ZNF682: variants seen among roughly 807,000 people sequenced by gnomAD.
The protein encoded by ZNF682 is zinc finger protein 682.
A neutral mutation model predicts 36.5 loss-of-function variants in ZNF682; 29 were observed. That is an observed-to-expected ratio of 0.80 (90% CI 0.59 to 1.08). The LOEUF (loss-of-function observed/expected upper bound fraction) is 1.08, where lower values mean the gene tolerates loss of function less well. Among genes scored for constraint, ZNF682 ranks in the 50% least tolerant of loss-of-function variants. ZNF682 has a pLI of 0.00. For missense variants in ZNF682, 561 were observed against 579.7 expected (o/e 0.97, Z 0.33); for synonymous variants, 180 against 197.0 (o/e 0.91, Z 0.72).
chr19:20,022,910 G>T, intron 3 of ZNF682, 94 bp downstream of exon 3: 2 of 1,025,416 alleles, frequency 2.0e-6, no homozygotes, highest in Non-Finnish European at 3.0e-6. Context: ...CATCTCCATT[G>T]GAGCAGAGCT....
chr19:20,015,068 G>A (rs1248196147), intron 3 of ZNF682: 2 of 417,098 alleles, frequency 4.8e-6, no homozygotes, highest in Non-Finnish European at 6.4e-6. Context: ...CAACAGAACT[G>A]TGTAACTGAA....
intron 3 of ZNF682, among the ~76,000 whole-genome samples, chr19:20,011,455 C>G (rs946701070): frequency 1.3e-5 from 2 of 152,206 alleles, no homozygotes; most frequent in African/African-American, 4.8e-5. Context: ...AAACTCAGCA[C>G]TTGACCATAG....
At chr19:20,036,200 T>G (rs1249747540) in intron 1 of ZNF682, among the ~76,000 whole-genome samples, 2 of 152,198 alleles carry the variant, frequency 1.3e-5, no homozygotes, top group East Asian at 3.8e-4. Flanking sequence ...TATTAGTAAT[T>G]ACCTTGGAGC....
In ZNF682 at chr19:20,007,235, C is replaced by T. The variant is rs2122304781; in HGVS notation, c.267G>A (p.Gln89=). The T allele has an allele frequency of 1.2e-6, 2 of 1,613,186 alleles. No individual in the cohort carries two copies. Among genetic ancestry groups the T allele is most frequent in the South Asian group, 2.2e-5 (2 of 90,900 alleles). ...SHYTEDLLPE[Q]CMQDSFQKVI... is the part of the protein sequence containing the mutation. The stretch of plus-strand genomic sequence containing the variant: ...CTTTTTGGAATGAATCTTGCATGCA[C>T]TGTTCTGGCAAAAGGTCTTCAGTGT... Residue 89 remains glutamine, a synonymous_variant, in exon 4 of 4, where the codon CAG becomes CAA. Transcript: ENST00000397165.
In ZNF682 at chr19:20,006,567, G is replaced by C. The variant is rs1286209099; in HGVS notation, c.935C>G (p.Pro312Arg). 2 of 1,614,124 alleles carry C rather than the reference G, an allele frequency of 1.2e-6. No homozygotes were observed. Among genetic ancestry groups the C allele is most frequent in the Middle Eastern group, 1.6e-4 (1 of 6,062 alleles). Reference sequence around the variant, plus strand: ...TTTCCCACATTCTTTACATTTGTAGGGTTTCTTTCCAGTGTGAATTGTCTT... The same window carrying C: ...TTTCCCACATTCTTTACATTTGTAGCGTTTCTTTCCAGTGTGAATTGTCTT... ...KHKTIHTGKK[P>R]YKCKECGKAF... is the part of the protein sequence containing the mutation. Residue 312 changes from proline (P) to arginine (R), a missense_variant, in exon 4 of 4, where the codon CCC becomes CGC. By Grantham distance (103) the Pro-to-Arg change is moderately radical. Coordinates refer to ENST00000397165, the MANE Select transcript of ZNF682 (RefSeq NM_033196.3).
chr19:20,030,501 G>C (rs1271542266), intron 1 of ZNF682, among the ~76,000 whole-genome samples: 1 of 152,166 alleles, frequency 6.6e-6, no homozygotes, highest in Admixed American at 6.5e-5. Flanking sequence ...GAACCCGGTA[G>C]GCGAAGGTTG....
At chr19:20,020,509 A>G (rs1429427100) in intron 3 of ZNF682, among the ~76,000 whole-genome samples, 2 of 152,142 alleles carry the variant, frequency 1.3e-5, no homozygotes, top group African/African-American at 4.8e-5. Flanking sequence ...AAATAAATAA[A>G]TTAATTAAAT....
chr19:20,020,633 A>G (rs1438597908), intron 3 of ZNF682, among the ~76,000 whole-genome samples: 4 of 152,236 alleles, frequency 2.6e-5, no homozygotes, highest in African/African-American at 9.6e-5. Context: ...TCATTTCACA[A>G]TTGCCAAGAC....
intron 3 of ZNF682, among the ~76,000 whole-genome samples, chr19:20,011,109 A>G (rs1383560066): frequency 6.6e-6 from 1 of 152,188 alleles, no homozygotes; most frequent in Non-Finnish European, 1.5e-5. Context: ...AAAGGGAAAA[A>G]GTAACATCTA....
At chr19:20,030,335 C>T (rs936332268) in intron 1 of ZNF682, among the ~76,000 whole-genome samples, 2 of 152,048 alleles carry the variant, frequency 1.3e-5, no homozygotes, top group Non-Finnish European at 2.9e-5. Context: ...TTTGGAAGAC[C>T]GAGGTGGGTG....
In ZNF682 at chr19:20,005,984, A is replaced by T; in HGVS notation, c.*21T>A. 1 of 1,549,054 alleles carries T rather than the reference A, an allele frequency of 6.5e-7. No homozygotes were observed. The highest frequency in any genetic ancestry group is 2.3e-5 in the East Asian group (1 of 44,088). ...TTGCCACATTCTTTACATTTGTAGG[A>T]TTTCTCTTTAGTAAAAATTCTTACG... On this transcript the variant is annotated 3_prime_UTR_variant, in exon 4 of 4. Transcript: ENST00000397165.
At chr19:19,995,527 T>C (rs2088124518), downstream of ZNF682, among the ~76,000 whole-genome samples, 1 of 152,186 alleles carries the variant, frequency 6.6e-6, no homozygotes, top group African/African-American at 2.4e-5. Flanking sequence ...AATGAATGTA[T>C]AGGAATAGAT....
intron 3 of ZNF682, among the ~76,000 whole-genome samples, chr19:20,013,451 G>C (rs565191502): frequency 1.3e-5 from 2 of 152,254 alleles, no homozygotes; most frequent in African/African-American, 4.8e-5. Context: ...TATAAGAACA[G>C]AGGACTTCAA....
At chr19:20,021,559 A>G (rs916782998) in intron 3 of ZNF682, among the ~76,000 whole-genome samples, 1 of 152,198 alleles carries the variant, frequency 6.6e-6, no homozygotes, top group Non-Finnish European at 1.5e-5. Flanking sequence ...ACTTAACTGT[A>G]TTAATCACTT....
chr19:20,014,494 G>A (rs1470255267), intron 3 of ZNF682, among the ~76,000 whole-genome samples: 3 of 151,960 alleles, frequency 2.0e-5, no homozygotes, highest in African/African-American at 7.3e-5. Context: ...AAATTGGGTC[G>A]GACGTGTAGG....
intron 3 of ZNF682, chr19:20,015,160 C>A (rs1231614208): frequency 2.0e-5 from 20 of 979,040 alleles, no homozygotes; most frequent in Non-Finnish European, 2.4e-5. Context: ...AGTTATAAAG[C>A]TTTTCAAAAA....
chr19:20,022,592 G>A (rs2088395305), intron 3 of ZNF682, among the ~76,000 whole-genome samples: 1 of 152,058 alleles, frequency 6.6e-6, no homozygotes, highest in African/African-American at 2.4e-5. Flanking sequence ...GAACCCAGGA[G>A]GCAGAGGTTA....
intron 1 of ZNF682, among the ~76,000 whole-genome samples, chr19:20,037,236 G>C (rs1439092997): frequency 6.6e-6 from 1 of 152,166 alleles, no homozygotes; most frequent in Non-Finnish European, 1.5e-5. Context: ...AAAGGCAAAC[G>C]AGGGAAAGTT....
At chr19:20,023,151 C>T in intron 2 of ZNF682, 52 bp from the exon 3 acceptor site, 1 of 1,500,234 alleles carries the variant, frequency 6.7e-7, no homozygotes, top group Non-Finnish European at 9.3e-7. Context: ...CTCCAATTAC[C>T]AACCTAGTGT....
Sources: gnomAD v4.1 joint callset for allele counts (sites outside exome capture counted in the v4.1 genomes callset) on GRCh38, gnomAD v4.1.1 for gene constraint, MANE v1.5 for transcripts, NCBI Gene and HGNC (gene_info 2026-07-23, HGNC 2026-07-21) for gene names.